The following ZNF821 variants were observed in gnomAD, a reference collection of about 807,000 sequenced individuals.
ZNF821 encodes the protein zinc finger protein 821.
Under a neutral mutation model 44.3 loss-of-function variants are expected in ZNF821, and 16 were observed. That is an observed-to-expected ratio of 0.36 (90% confidence interval 0.24 to 0.55). The LOEUF is 0.55. Among genes scored for constraint, ZNF821 ranks in the 20% least tolerant of loss-of-function variants. ZNF821 has a pLI of 0.86. For synonymous variants in ZNF821, 204 were observed against 197.6 expected, an observed-to-expected ratio of 1.03 and a Z score of -0.27; for missense variants, 436 against 547.6, an observed-to-expected ratio of 0.80 and a Z score of 2.03.
At chr16:71,875,334 T>G (rs1597178870) in intron 3 of ZNF821, among the ~76,000 whole-genome samples, 1 of 152,080 alleles carries the variant, frequency 6.6e-6, no homozygotes, top group Admixed American at 6.6e-5. Flanking sequence ...CAGGCTGGAG[T>G]GCAGTGGTGT....
intron 4 of ZNF821, among the ~76,000 whole-genome samples, chr16:71,867,623 T>C (rs1378768667): frequency 1.3e-5 from 2 of 151,454 alleles, no homozygotes; most frequent in Non-Finnish European, 2.9e-5. Flanking sequence ...GAGGTGGAGG[T>C]TGCAGTGAGC....
chr16:71,864,312 CAG>C, intron 5 of ZNF821, 70 bp from the exon 6 acceptor site: 1 of 1,396,688 alleles, frequency 7.2e-7, no homozygotes, highest in African/African-American at 1.4e-5. Flanking sequence ...GCTTTTTAAA[CAG>C]GGTATCCTGT....
upstream of ZNF821, among the ~76,000 whole-genome samples, chr16:71,887,322 C>G (rs938708697): frequency 4.1e-5 from 6 of 146,102 alleles, no homozygotes; most frequent in African/African-American, 1.5e-4. Flanking sequence ...TGCAGTGGCG[C>G]GATCTCGGCT....
At chr16:71,892,781 G>C (rs1180118040) in intron 1 of ZNF821, among the ~76,000 whole-genome samples, 3 of 149,938 alleles carry the variant, frequency 2.0e-5, no homozygotes, top group Non-Finnish European at 4.4e-5. Context: ...ACCCAGGCTG[G>C]AGTGCAATGG....
intron 3 of ZNF821, among the ~76,000 whole-genome samples, chr16:71,876,904 T>C (rs2035883860): frequency 6.6e-6 from 1 of 152,024 alleles, no homozygotes; most frequent in South Asian, 2.1e-4. Context: ...CGAGCTCGGC[T>C]AAAGATACTT....
intron 3 of ZNF821, among the ~76,000 whole-genome samples, chr16:71,874,477 C>A (rs1567428526): frequency 6.6e-6 from 1 of 151,958 alleles, no homozygotes; most frequent in African/African-American, 2.4e-5. Flanking sequence ...TTTTTGAGAC[C>A]AAGTCTCATT....
At chr16:71,893,439 G>C (rs1352091091) in intron 1 of ZNF821, among the ~76,000 whole-genome samples, 1 of 151,854 alleles carries the variant, frequency 6.6e-6, no homozygotes, top group East Asian at 1.9e-4. Flanking sequence ...TAGGATTACA[G>C]GCGTGAGCCA....
At chr16:71,891,063 C>T (rs1004559453) in intron 1 of ZNF821, among the ~76,000 whole-genome samples, 3 of 152,274 alleles carry the variant, frequency 2.0e-5, no homozygotes, top group East Asian at 1.9e-4. Context: ...CGTGAGCCAC[C>T]GCGCCCAGCC....
chr16:71,864,633 C>CA, intron 5 of ZNF821: 3 of 460,844 alleles, frequency 6.5e-6, no homozygotes, highest in Non-Finnish European at 1.2e-5. Context: ...TCTACTTCAA[C>CA]AAAGTTTCTC....
At chr16:71,871,855 A>T (rs1241200140) in intron 3 of ZNF821, among the ~76,000 whole-genome samples, 9 of 149,006 alleles carry the variant, frequency 6.0e-5, no homozygotes, top group African/African-American at 2.2e-4. Context: ...TTTGAAACAG[A>T]GTTTTTCGCT....
chr16:71,860,779 C>A lies in ZNF821; in HGVS notation c.585-107G>T. On this transcript the variant is annotated intron_variant, in intron 7 of 7. Coordinates refer to ENST00000425432, the MANE Select transcript of ZNF821 (RefSeq NM_001201552.2). The surrounding 1 kb of genome is among the most constrained non-coding windows in gnomAD (Gnocchi z 7.3). ...GAGGCCAGTGGCTCCACGCTCACCA[C>A]AAGGGGTCAGTTTGAATGCTTGGTG... is the stretch of plus-strand genomic sequence containing the variant. 1 of 1,154,142 alleles carries A rather than the reference C, an allele frequency of 8.7e-7. No individual in the cohort carries two copies. The highest frequency in any genetic ancestry group is 1.2e-6 in the Non-Finnish European group (1 of 832,018). 71.5% of individuals were successfully genotyped at this position (1,154,142 alleles called of 1,614,324 possible).
At chr16:71,892,477 C>A (rs1203935896) in intron 1 of ZNF821, among the ~76,000 whole-genome samples, 1 of 151,126 alleles carries the variant, frequency 6.6e-6, no homozygotes, top group East Asian at 2.0e-4. Context: ...ACCGTGTTAG[C>A]CAGGATGGTC....
chr16:71,885,729 G>T (rs1237454252), upstream of ZNF821, among the ~76,000 whole-genome samples: 2 of 152,126 alleles, frequency 1.3e-5, no homozygotes, highest in Non-Finnish European at 2.9e-5. Flanking sequence ...GTGATAAATA[G>T]CTCATTCATC....
intron 4 of ZNF821, among the ~76,000 whole-genome samples, chr16:71,866,964 G>A (rs182763477): frequency 6.6e-6 from 1 of 152,258 alleles, no homozygotes; most frequent in East Asian, 1.9e-4. Context: ...GATGAGGTGG[G>A]GAAAGTGCTG....
chr16:71,883,299 G>C (rs1323153626), intron 1 of ZNF821, 26 bp from the exon 2 acceptor site: 2 of 433,730 alleles, frequency 4.6e-6, no homozygotes, highest in Non-Finnish European at 9.3e-6. Context: ...GGACAAGAAA[G>C]CTGGTCACTT....
At chr16:71,880,175 T>G in intron 2 of ZNF821, 152 bp from the exon 3 acceptor site, 13 of 411,980 alleles carry the variant, frequency 3.2e-5, no homozygotes, top group East Asian at 3.9e-5. Context: ...AAGAAATGAA[T>G]AAATCTCTAG....
At chr16:71,886,643 CAT>C (rs2036855944), upstream of ZNF821, among the ~76,000 whole-genome samples, 1 of 152,174 alleles carries the variant, frequency 6.6e-6, no homozygotes, top group Admixed American at 6.6e-5. Context: ...TTAAGAACCT[CAT>C]GTTACATTTT....
chr16:71,881,126 C>T (rs1026386476), intron 2 of ZNF821, among the ~76,000 whole-genome samples: 2 of 152,198 alleles, frequency 1.3e-5, no homozygotes, highest in Non-Finnish European at 2.9e-5. Flanking sequence ...TTCCTGCCTT[C>T]TTGAGTTATA....
chr16:71,878,413 G>A (rs938219222), intron 3 of ZNF821, among the ~76,000 whole-genome samples: 6 of 151,546 alleles, frequency 4.0e-5, no homozygotes, highest in South Asian at 2.1e-4. Flanking sequence ...CACCGCGCCC[G>A]GCCACTATTT....
Sources: allele counts gnomAD v4.1 joint callset (sites outside exome capture counted in the v4.1 genomes callset), GRCh38; gene constraint gnomAD v4.1.1; non-coding constraint Gnocchi (gnomAD v3.1); transcripts MANE v1.5; gene names NCBI Gene and HGNC (gene_info 2026-07-23, HGNC 2026-07-21).